The following DST variants were observed in gnomAD, a reference collection of about 807,000 sequenced individuals.
The protein encoded by DST is dystonin, also known as bullous pemphigoid antigen.
In DST, 253 loss-of-function variants were observed where a neutral mutation model predicts 875.2. The ratio of observed to expected loss-of-function variants is 0.29; its 90% confidence interval spans 0.26 to 0.32. The LOEUF (loss-of-function observed/expected upper bound fraction) is 0.32, where lower values mean the gene tolerates loss of function less well. Among genes scored for constraint, DST ranks in the 10% least tolerant of loss-of-function variants. The probability of loss-of-function intolerance (pLI) is 1.00; values close to 1 mark genes in which losing one functional copy is unlikely to be tolerated. For missense variants in DST, 8,287 were observed against 9,111.6 expected, an observed-to-expected ratio of 0.91 and a Z score of 3.68; for synonymous variants, 3,124 against 3,197.1, an observed-to-expected ratio of 0.98 and a Z score of 0.77.
intron 49 of DST, among the ~76,000 whole-genome samples, chr6:56,589,806 A>G (rs767526341): frequency 9.8e-5 from 15 of 152,376 alleles, no homozygotes; most frequent in South Asian, 2.1e-4. Context: ...AGTTCTTTGA[A>G]TAATAATGCT....
At position 56,632,859 on chromosome 6, in the gene DST, T is replaced by C. The variant is rs2098793299; in HGVS notation, c.3800A>G (p.Glu1267Gly). 6.2e-7 allele frequency: 1 copy of C among 1,613,444 alleles called. No homozygotes were observed. The highest frequency in any genetic ancestry group is 1.3e-5 in the African/African-American group (1 of 74,924). ...QYYQELLKSA[E>G]REEQEESVYN... ...CAGGGATCCCCATGCTTTACCTCTTTCTGCAGATTTAAGAAGTTCTTGATA... is the reference window on the plus strand; with the variant it reads ...CAGGGATCCCCATGCTTTACCTCTTCCTGCAGATTTAAGAAGTTCTTGATA... Residue 1267 changes from glutamate to glycine, a missense_variant, in exon 28 of 104, where the codon GAA (glutamate) becomes GGA (glycine). This residue lies in a region of DST where 3,138 missense variants were observed against 3,116.6 expected (regional missense o/e 1.01). Coordinates refer to ENST00000680361, the MANE Select transcript of DST (RefSeq NM_001374736.1).
chr6:56,747,139 G>T (rs1439413894), intron 4 of DST, among the ~76,000 whole-genome samples: 1 of 152,206 alleles, frequency 6.6e-6, no homozygotes, highest in Non-Finnish European at 1.5e-5. Context: ...CTTGTTCAAA[G>T]TTTAATTGCC....
rs768607392 is a variant in DST, at chr6:56,619,930, T to C, written c.4929+4600A>G. 11 of 1,614,216 alleles carry C rather than the reference T, an allele frequency of 6.8e-6. No homozygotes were observed. The East Asian group carries it at 1.8e-4, about 26-fold the overall frequency. On this transcript the variant is annotated intron_variant, in intron 36 of 103. Transcript: ENST00000680361. Reference sequence around the variant, plus strand: ...TTCTATTGGCAGCTGTTAGTTCATCTACCTGCTGTTTGAGTTCTTCTGCTT... The same window carrying C: ...TTCTATTGGCAGCTGTTAGTTCATCCACCTGCTGTTTGAGTTCTTCTGCTT...
At chr6:56,874,228 C>G (rs1778669590) in intron 3 of DST, among the ~76,000 whole-genome samples, 1 of 152,126 alleles carries the variant, frequency 6.6e-6, no homozygotes, top group Non-Finnish European at 1.5e-5. Flanking sequence ...AATCCCAACA[C>G]TTTGGGAGGC....
chr6:56,578,681 G>A, intron 50 of DST, 133 bp downstream of exon 50: 3 of 901,640 alleles, frequency 3.3e-6, no homozygotes, highest in Non-Finnish European at 4.8e-6. Flanking sequence ...CCCAGATGCA[G>A]GAACACCATT....
intron 10 of DST, among the ~76,000 whole-genome samples, chr6:56,667,132 A>G (rs940276682): frequency 3.3e-5 from 5 of 151,982 alleles, no homozygotes; most frequent in African/African-American, 1.2e-4. Flanking sequence ...CTGGTCTCCA[A>G]CTCCTGAGCT....
At chr6:56,854,142 T>C (rs574145725) in intron 3 of DST, among the ~76,000 whole-genome samples, 1 of 152,340 alleles carries the variant, frequency 6.6e-6, no homozygotes, top group Admixed American at 6.5e-5. Context: ...TAAAGTGGAT[T>C]GATCCTAAAG....
intron 4 of DST, among the ~76,000 whole-genome samples, chr6:56,786,673 T>C (rs1397600533): frequency 6.6e-6 from 1 of 152,032 alleles, no homozygotes; most frequent in Non-Finnish European, 1.5e-5. Context: ...GCTGGGATTA[T>C]AGGCACCCGC....
In DST at chr6:56,463,929, T is replaced by C. The variant is rs754931146; in HGVS notation, c.22760-165A>G. ...CAACTCAGCATAACAAAAAGTTAAA[T>C]GCATTCCTTTACAATGCATTCCTTT... On this transcript the variant is annotated intron_variant, in intron 100 of 103. Transcript: ENST00000680361. The C allele has an allele frequency of 7.7e-6, 6 of 778,418 alleles. No individual in the cohort carries two copies. In the South Asian group the frequency reaches 8.3e-5, roughly 11 times the overall value. 48.2% of individuals were successfully genotyped at this position (778,418 alleles called of 1,614,324 possible).
chr6:56,861,846 C>T (rs1406095196), intron 3 of DST: 1 of 152,150 alleles, frequency 6.6e-6, no homozygotes, highest in East Asian at 1.9e-4. Context: ...AACCTTAACA[C>T]AATTCTGAGG....
rs1388034205 is a variant in DST at position 56,464,733 on chromosome 6, A to G, written c.22711T>C (p.Leu7571=). 5.6e-6 allele frequency: 9 copies of G among 1,599,146 alleles called. No homozygotes were observed. Among genetic ancestry groups the G allele is most frequent in the Non-Finnish European group, 7.7e-6 (9 of 1,172,786 alleles). The part of the protein sequence containing the change: ...CRVHHHGSKM[L]RSESNSSITT... The stretch of plus-strand genomic sequence containing the variant: ...ATTGAAGAGTTTGATTCCGAACGTA[A>G]CATTTTACTCCCATGATGATGAACT... The change falls in exon 100 of 104, where the codon TTA becomes CTA. Residue 7571 remains leucine (L), a synonymous_variant. Coordinates refer to ENST00000680361, the MANE Select transcript of DST (RefSeq NM_001374736.1).
chr6:56,617,059 G>A lies in DST; in HGVS notation c.4930-2575C>T, dbSNP rs748440958. 6.8e-6 allele frequency: 11 copies of A among 1,613,956 alleles called. No individual in the cohort carries two copies. The highest frequency in any genetic ancestry group is 9.3e-6 in the Non-Finnish European group (11 of 1,179,928). ...CTAGGTAAAGCCCTGCAATTGAGGT[G>A]GCTTTCGTCAGAAACTTGTTAAGAG... On this transcript the variant is annotated intron_variant, in intron 36 of 103. Coordinates refer to ENST00000680361, the MANE Select transcript of DST (RefSeq NM_001374736.1).
intron 5 of DST, among the ~76,000 whole-genome samples, chr6:56,726,178 T>G (rs2099456341): frequency 6.6e-6 from 1 of 152,176 alleles, no homozygotes. Flanking sequence ...ATGACTCAGT[T>G]TCCAAACTCC....
chr6:56,734,355 C>T (rs562976433), intron 5 of DST, among the ~76,000 whole-genome samples: 21 of 152,290 alleles, frequency 1.4e-4, no homozygotes, highest in Middle Eastern at 3.4e-3. Context: ...GATGACTAAA[C>T]GCAATTTACA....
rs202119867 is a variant in DST at position 56,555,815 on chromosome 6, C to T, written c.14666G>A (p.Arg4889Gln). The T allele has an allele frequency of 8.0e-6, 12 of 1,499,604 alleles. No homozygotes were observed. Among genetic ancestry groups the T allele is most frequent in the Admixed American group, 2.2e-5 (1 of 45,742 alleles). The allele number at this position is 1,499,604 out of a possible 1,614,324, so 92.9% of individuals were successfully genotyped here. A position where few individuals can be genotyped will look rare whatever the true frequency, so the allele number is the denominator to read the frequency against. Reference protein sequence around the residue: ...VQILLQEFATRKPQYEQLTAA... With the variant: ...VQILLQEFATQKPQYEQLTAA... ...TGTCAGCTGTTCATATTGAGGTTTCCGAGTGGCGAATTCTTGCAGCAAAAT... is the reference window on the plus strand; with the variant it reads ...TGTCAGCTGTTCATATTGAGGTTTCTGAGTGGCGAATTCTTGCAGCAAAAT... The change falls in exon 60 of 104, where the codon CGG (arginine) becomes CAG (glutamine). Residue 4889 changes from arginine (R) to glutamine (Q), a missense_variant. Physicochemically the swap from Arg to Gln is conservative, Grantham distance 43. Transcript: ENST00000680361.
chr6:56,487,353 T>A, intron 86 of DST, 80 bp from the exon 87 acceptor site: 1 of 1,230,236 alleles, frequency 8.1e-7, no homozygotes, highest in Non-Finnish European at 1.1e-6. Flanking sequence ...GAGGCATCCC[T>A]AATAAATGGA....
At chr6:56,576,747 G>A (rs2152629489) in intron 50 of DST, among the ~76,000 whole-genome samples, 1 of 152,248 alleles carries the variant, frequency 6.6e-6, no homozygotes, top group Admixed American at 6.5e-5. Flanking sequence ...GAAGAAACAG[G>A]AGAGAAATGA....
intron 61 of DST, among the ~76,000 whole-genome samples, chr6:56,545,693 T>G (rs1211917697): frequency 6.6e-6 from 1 of 152,160 alleles, no homozygotes; most frequent in African/African-American, 2.4e-5. Flanking sequence ...AAGAGCAATT[T>G]TATCAGCTGA....
intron 4 of DST, among the ~76,000 whole-genome samples, chr6:56,833,338 A>C (rs943076654): frequency 6.6e-6 from 1 of 152,244 alleles, no homozygotes; most frequent in Non-Finnish European, 1.5e-5. Context: ...TACTGTATAC[A>C]TATAGCACTA....
Sources: allele counts gnomAD v4.1 joint callset (sites outside exome capture counted in the v4.1 genomes callset), GRCh38; gene constraint gnomAD v4.1.1; regional missense constraint gnomAD v4.1.1; transcripts MANE v1.5; gene names NCBI Gene and HGNC (gene_info 2026-07-23, HGNC 2026-07-21).